Variants in RPS6KA6 observed in about 807,000 individuals in gnomAD.
The protein encoded by RPS6KA6 is ribosomal protein S6 kinase alpha-6.
In RPS6KA6, 27 loss-of-function variants were observed where a neutral mutation model predicts 65.4. The ratio of observed to expected loss-of-function variants is 0.41; its 90% CI spans 0.30 to 0.57. The LOEUF (loss-of-function observed/expected upper bound fraction) is 0.57. Among genes scored for constraint, RPS6KA6 ranks in the 20% least tolerant of loss-of-function variants. RPS6KA6 has a pLI of 0.24. For synonymous variants in RPS6KA6, 190 were observed against 184.2 expected, an observed-to-expected ratio of 1.03 and a Z score of -0.26; for missense variants, 486 against 555.6, an observed-to-expected ratio of 0.87 and a Z score of 1.26.
intron 8 of RPS6KA6, among the ~76,000 whole-genome samples, chrX:84,125,454 ACAAT>A (rs1244264856): frequency 8.9e-6 from 1 of 111,847 alleles, no homozygotes; most frequent in Non-Finnish European, 1.9e-5. Flanking sequence ...GTTTGTTTGG[ACAAT>A]CAGTGTTAAG....
chrX:84,162,229 T>TA (rs746158369), intron 2 of RPS6KA6, among the ~76,000 whole-genome samples: 1,234 of 100,453 alleles, frequency 0.012, 19 homozygotes, highest in African/African-American at 0.041. Context: ...TTTAAAACAG[T>TA]AAAAAAAAAA....
At position 84,188,009 on chromosome X, in the gene RPS6KA6, CGA is replaced by C; in HGVS notation, c.-112_-111del. 2 of 516,291 alleles carry C rather than the reference CGA, an allele frequency of 3.9e-6. No homozygotes were observed. The highest frequency in any genetic ancestry group is 5.1e-6 in the Non-Finnish European group (2 of 393,519). 42.5% of individuals were successfully genotyped at this position (516,291 alleles called of 1,213,427 possible). ...GCCGCCGCCGCCGCCGCCGCCGCCG[CGA>C]CCCCCAGCCCCGCCTTCAGCGAGCG... On this transcript the variant is annotated 5_prime_UTR_variant, in exon 1 of 22. Coordinates refer to ENST00000262752, the MANE Select transcript of RPS6KA6 (RefSeq NM_014496.5).
chrX:84,059,310 T>C lies in RPS6KA6; in HGVS notation c.*4967A>G, dbSNP rs1269995210. ...CCACACCTGGCTAACTTTGTATTTT[T>C]AGTAGAGACGGGTTTCTCCATGTTG... On this transcript the variant is annotated 3_prime_UTR_variant, in exon 22 of 22. Coordinates refer to ENST00000262752, the MANE Select transcript of RPS6KA6 (RefSeq NM_014496.5). 1 of 108,349 alleles carries C rather than the reference T, an allele frequency of 9.2e-6. No homozygotes were observed. The highest frequency in any genetic ancestry group is 3.4e-5 in the African/African-American group (1 of 29,686). The allele number at this position is 108,349 out of a possible 1,213,427, so 8.9% of individuals were successfully genotyped here. A position where few individuals can be genotyped will look rare whatever the true frequency, so the allele number is the denominator to read the frequency against.
At chrX:84,084,624 G>A (rs1209411768) in intron 20 of RPS6KA6, among the ~76,000 whole-genome samples, 3 of 112,179 alleles carry the variant, frequency 2.7e-5, no homozygotes, top group African/African-American at 9.7e-5. Flanking sequence ...TTGTAGTATA[G>A]TTTGAAGTCA....
At chrX:84,101,496 G>A (rs1466628623) in intron 18 of RPS6KA6, among the ~76,000 whole-genome samples, 1 of 110,424 alleles carries the variant, frequency 9.1e-6, no homozygotes, top group Non-Finnish European at 1.9e-5. Context: ...AAATCCCCAC[G>A]GCTTACAAAA....
At position 84,064,256 on chromosome X, in the gene RPS6KA6, G is replaced by C. The variant is rs755775166; in HGVS notation, c.*21C>G. On this transcript the variant is annotated 3_prime_UTR_variant, in exon 22 of 22. Transcript: ENST00000262752. Reference sequence around the variant, plus strand: ...ATTTAATTTCATCTTCATCCAGTTTGGCCTAGGAACACCACAAATCTTACA... The same window carrying C: ...ATTTAATTTCATCTTCATCCAGTTTCGCCTAGGAACACCACAAATCTTACA... 1.7e-6 allele frequency: 2 copies of C among 1,202,623 alleles called. No homozygotes were observed. Among genetic ancestry groups the C allele is most frequent in the South Asian group, 1.8e-5 (1 of 55,174 alleles).
chrX:84,179,527 C>T (rs149411047), intron 1 of RPS6KA6, among the ~76,000 whole-genome samples: 1,715 of 111,678 alleles, frequency 0.015, 21 homozygotes, highest in Non-Finnish European at 0.023. Context: ...TACTGATACA[C>T]ATAATATCAT....
chrX:84,095,011 A>C (rs891487524), intron 20 of RPS6KA6, among the ~76,000 whole-genome samples: 1 of 112,305 alleles, frequency 8.9e-6, no homozygotes. Flanking sequence ...TTTTGGAGTT[A>C]TAAGGAACCA....
At chrX:84,065,788 T>A (rs1257638020) in intron 20 of RPS6KA6, among the ~76,000 whole-genome samples, 4 of 112,097 alleles carry the variant, frequency 3.6e-5, no homozygotes. Context: ...TTTAGAGAAA[T>A]GAGAAGTAAA....
chrX:84,170,755 C>T (rs956844707), intron 1 of RPS6KA6, among the ~76,000 whole-genome samples: 1 of 111,466 alleles, frequency 9.0e-6, no homozygotes, highest in Non-Finnish European at 1.9e-5. Context: ...AAGATAGGCC[C>T]CCATGATCCT....
At position 84,058,978 on chromosome X, in the gene RPS6KA6, T is replaced by TA. The variant is rs1329082401; in HGVS notation, c.*5298dup. On this transcript the variant is annotated 3_prime_UTR_variant, in exon 22 of 22. Coordinates refer to ENST00000262752, the MANE Select transcript of RPS6KA6 (RefSeq NM_014496.5). Reference sequence around the variant, plus strand: ...AGTACTTCCTGTTTTTTTTTTTTTTTATCAAACAGAAAAACCACCTTCTCC... The same window carrying TA: ...AGTACTTCCTGTTTTTTTTTTTTTTTAATCAAACAGAAAAACCACCTTCTCC... 3 of 107,423 alleles carry TA rather than the reference T, an allele frequency of 2.8e-5. No homozygotes were observed. The highest frequency in any genetic ancestry group is 1.0e-4 in the Admixed American group (1 of 9,916). The allele number at this position is 107,423 out of a possible 1,213,427, so 8.9% of individuals were successfully genotyped here.
chrX:84,116,831 C>A (rs1038597796), intron 11 of RPS6KA6, among the ~76,000 whole-genome samples: 2 of 110,885 alleles, frequency 1.8e-5, no homozygotes, highest in Non-Finnish European at 3.8e-5. Context: ...AAAGAAGTAA[C>A]CCATAATATA....
In RPS6KA6 at chrX:84,105,859, C is replaced by G. The variant is rs751251313; in HGVS notation, c.1383G>C (p.Lys461Asn). ...TTTCAATCTCTTCTGAAGGGTCTCG[C>G]TTACTTTTGTCAATGATCTAAGAAA... is the stretch of plus-strand genomic sequence containing the variant. ...EFAVKIIDKS[K>N]RDPSEEIEIL... The change falls in exon 16 of 22, where the codon AAG becomes AAC. Residue 461 changes from lysine to asparagine, a missense_variant. Coordinates refer to ENST00000262752, the MANE Select transcript of RPS6KA6 (RefSeq NM_014496.5). The G allele has an allele frequency of 7.8e-6, 9 of 1,148,776 alleles. No homozygotes were observed. The highest frequency in any genetic ancestry group is 2.3e-5 in the Admixed American group (1 of 43,644). The allele number at this position is 1,148,776 out of a possible 1,213,427, so 94.7% of individuals were successfully genotyped here.
At position 84,188,007 on chromosome X, in the gene RPS6KA6, C is replaced by T; in HGVS notation, c.-108G>A. 1.8e-6 allele frequency: 1 copy of T among 557,391 alleles called. No individual in the cohort carries two copies. Among genetic ancestry groups the T allele is most frequent in the Non-Finnish European group, 2.4e-6 (1 of 416,620 alleles). The allele number at this position is 557,391 out of a possible 1,213,427, so 45.9% of individuals were successfully genotyped here. The stretch of plus-strand genomic sequence containing the variant: ...CCGCCGCCGCCGCCGCCGCCGCCGC[C>T]GCGACCCCCAGCCCCGCCTTCAGCG... On this transcript the variant is annotated 5_prime_UTR_variant, in exon 1 of 22. Transcript: ENST00000262752.
chrX:84,160,651 C>G (rs1342072887), intron 2 of RPS6KA6, among the ~76,000 whole-genome samples: 1 of 111,129 alleles, frequency 9.0e-6, no homozygotes, highest in African/African-American at 3.3e-5. Context: ...CACAGGCCAG[C>G]TTGGTGAAAA....
chrX:84,095,386 A>G (rs1042783299), intron 20 of RPS6KA6, among the ~76,000 whole-genome samples: 1 of 112,042 alleles, frequency 8.9e-6, no homozygotes, highest in African/African-American at 3.2e-5. Flanking sequence ...TTTAAAAATT[A>G]TAAATGTAAG....
Position 84,117,063 on chromosome X carries a change from A to T in RPS6KA6, c.946T>A (p.Leu316Met). Reference protein sequence around the residue: ...MLFKRNPANRLGSEGVEEIKR... With the variant: ...MLFKRNPANRMGSEGVEEIKR... ...AAGCTAAGAAAATAAGCAATACCCA[A>T]TCTATTTGCTGGATTCCTTTTGAAT... Residue 316 changes from leucine (L) to methionine (M), a missense_variant, in exon 11 of 22, where the codon TTG becomes ATG. Leu to Met is a conservative substitution (Grantham distance 15). Around this residue, in one of 3 missense-constraint regions of RPS6KA6, gnomAD observed 345 missense variants for 375.0 expected, o/e 0.92. Coordinates refer to ENST00000262752, the MANE Select transcript of RPS6KA6 (RefSeq NM_014496.5). The T allele has an allele frequency of 8.7e-7, 1 of 1,145,479 alleles. No homozygotes were observed. Among genetic ancestry groups the T allele is most frequent in the African/African-American group, 1.8e-5 (1 of 56,035 alleles). The allele number at this position is 1,145,479 out of a possible 1,213,427, so 94.4% of individuals were successfully genotyped here. A position where few individuals can be genotyped will look rare whatever the true frequency, so the allele number is the denominator to read the frequency against.
Position 84,119,979 on chromosome X carries a change from G to C in RPS6KA6, c.695C>G (p.Ser232Ter). ...CATATACTCTACTGTACCACAAAAT[G>C]AGTAAGCCTTCTTTTCTTGATCTAC... ...ESVDQEKKAY[S>*]FCGTVEYMAP... Residue 232 changes from serine to a stop codon, truncating the protein, a stop_gained, in exon 9 of 22, where the codon TCA becomes TGA. Transcript: ENST00000262752. LOFTEE classifies it high-confidence loss of function. 1 of 1,193,329 alleles carries C rather than the reference G, an allele frequency of 8.4e-7. No homozygotes were observed. Among genetic ancestry groups the C allele is most frequent in the Non-Finnish European group, 1.1e-6 (1 of 884,130 alleles).
chrX:84,161,665 T>C (rs1057023846), intron 2 of RPS6KA6, among the ~76,000 whole-genome samples: 15 of 111,702 alleles, frequency 1.3e-4, no homozygotes, highest in African/African-American at 4.9e-4. Context: ...AAAAGTATTT[T>C]TGAAAGAATT....
Sources: allele counts gnomAD v4.1 joint callset (sites outside exome capture counted in the v4.1 genomes callset), GRCh38; gene constraint gnomAD v4.1.1; regional missense constraint gnomAD v4.1.1; transcripts MANE v1.5; gene names NCBI Gene and HGNC (gene_info 2026-07-23, HGNC 2026-07-21).